Variants in PCDH15 observed in about 807,000 individuals in gnomAD.
PCDH15 encodes protocadherin-15.
Under a neutral mutation model 178.5 loss-of-function variants are expected in PCDH15, and 129 were observed. The ratio of observed to expected loss-of-function variants is 0.72; its 90% CI spans 0.63 to 0.84. The LOEUF is 0.84. Ranked by LOEUF, PCDH15 falls within the 40% of genes least tolerant of loss-of-function variation. The probability of loss-of-function intolerance (pLI) is 0.00; values close to 1 mark genes in which losing one functional copy is unlikely to be tolerated. For missense variants in PCDH15, 2,230 were observed against 2,099.9 expected, an observed-to-expected ratio of 1.06 and a Z score of -1.21; for synonymous variants, 800 against 732.0, an observed-to-expected ratio of 1.09 and a Z score of -1.50.
chr10:55,030,678 C>T (rs902210956), intron 2 of PCDH15, among the ~76,000 whole-genome samples: 1 of 151,958 alleles, frequency 6.6e-6, no homozygotes, highest in South Asian at 2.1e-4. Flanking sequence ...TTTATTTAAA[C>T]TAATAAATAT....
At chr10:54,925,848 G>C in intron 2 of PCDH15, among the ~76,000 whole-genome samples, 1 of 152,128 alleles carries the variant, frequency 6.6e-6, no homozygotes, top group Non-Finnish European at 1.5e-5. Flanking sequence ...TTTGAGCTGA[G>C]ACTATGCTAT....
At chr10:54,103,523 G>T (rs1422354149) in intron 15 of PCDH15, among the ~76,000 whole-genome samples, 1 of 152,132 alleles carries the variant, frequency 6.6e-6, no homozygotes, top group Non-Finnish European at 1.5e-5. Flanking sequence ...TGCAGGTGCT[G>T]CCCTCATAAA....
At chr10:54,994,765 G>C (rs944866650) in intron 2 of PCDH15, among the ~76,000 whole-genome samples, 5 of 151,964 alleles carry the variant, frequency 3.3e-5, no homozygotes, top group Admixed American at 6.6e-5. Flanking sequence ...TTAATATTTT[G>C]TTAGAAGAAA....
rs1332993779 is a variant in PCDH15 at position 53,822,409 on chromosome 10, G to A, written c.4368-2179C>T. 1 of 1,577,134 alleles carries A rather than the reference G, an allele frequency of 6.3e-7. No homozygotes were observed. The highest frequency in any genetic ancestry group is 8.6e-7 in the Non-Finnish European group (1 of 1,161,326). ...GGAGGAGGACAAAAAAGAGAAAAAG[G>A]AGAAATGTCAGGAGGAGGAGCAAGA... On this transcript the variant is annotated intron_variant, in intron 32 of 37. Transcript: ENST00000644397.
At chr10:54,343,836 T>TA (rs964649189) in intron 6 of PCDH15, among the ~76,000 whole-genome samples, 66 of 149,668 alleles carry the variant, frequency 4.4e-4, no homozygotes, top group East Asian at 3.5e-3. Context: ...AGTTGAAACA[T>TA]AAAAAAAAAG....
intron 18 of PCDH15, among the ~76,000 whole-genome samples, chr10:54,056,051 C>T (rs2093879238): frequency 6.6e-6 from 1 of 152,120 alleles, no homozygotes; most frequent in South Asian, 2.1e-4. Context: ...CTTCAATTCT[C>T]TTTTAGGAAT....
intron 1 of PCDH15, among the ~76,000 whole-genome samples, chr10:55,319,253 G>A (rs1399699016): frequency 6.6e-6 from 1 of 152,078 alleles, no homozygotes; most frequent in Non-Finnish European, 1.5e-5. Flanking sequence ...CAGACTTCAA[G>A]AGAATTTGGG....
chr10:55,445,899 G>A (rs942231253), intron 2 of PCDH15, among the ~76,000 whole-genome samples: 1 of 152,050 alleles, frequency 6.6e-6, no homozygotes, highest in Non-Finnish European at 1.5e-5. Context: ...TGGAAAAACT[G>A]AATCAGAGAA....
At chr10:54,678,298 A>T (rs2135595612) in intron 1 of PCDH15, among the ~76,000 whole-genome samples, 1 of 152,284 alleles carries the variant, frequency 6.6e-6, no homozygotes, top group South Asian at 2.1e-4. Context: ...TTTATGCTTT[A>T]AATTTTGTAA....
chr10:54,573,055 AC>A (rs1275457242), intron 2 of PCDH15, among the ~76,000 whole-genome samples: 1 of 152,080 alleles, frequency 6.6e-6, no homozygotes, highest in Non-Finnish European at 1.5e-5. Context: ...TTATTTCTTT[AC>A]TTTTTCCTCA....
At chr10:54,551,890 G>A (rs2086658260) in intron 2 of PCDH15, among the ~76,000 whole-genome samples, 1 of 151,894 alleles carries the variant, frequency 6.6e-6, no homozygotes, top group Non-Finnish European at 1.5e-5. Context: ...AAACTCATGT[G>A]TTTTCATATT....
intron 2 of PCDH15, among the ~76,000 whole-genome samples, chr10:55,132,482 T>G (rs975199546): frequency 1.3e-5 from 2 of 152,180 alleles, no homozygotes; most frequent in African/African-American, 4.8e-5. Flanking sequence ...TCCCACTGAT[T>G]AATGTGAGAT....
chr10:54,089,503 T>C (rs1325361582), intron 16 of PCDH15, among the ~76,000 whole-genome samples: 2 of 152,200 alleles, frequency 1.3e-5, no homozygotes, highest in Non-Finnish European at 2.9e-5. Flanking sequence ...GAGAGATAAG[T>C]AGAATGACAC....
intron 2 of PCDH15, among the ~76,000 whole-genome samples, chr10:55,456,499 T>C (rs1442724164): frequency 6.6e-6 from 1 of 152,094 alleles, no homozygotes; most frequent in Non-Finnish European, 1.5e-5. Flanking sequence ...CTCTTGTTTA[T>C]CCTGTGTTTG....
At chr10:54,356,686 A>C (rs1028838038) in intron 5 of PCDH15, among the ~76,000 whole-genome samples, 2 of 150,882 alleles carry the variant, frequency 1.3e-5, no homozygotes, top group African/African-American at 4.9e-5. Flanking sequence ...GGTCATCAAA[A>C]ACAAAAAAAA....
At chr10:55,402,793 G>T (rs1419839863) in intron 2 of PCDH15, among the ~76,000 whole-genome samples, 2 of 151,916 alleles carry the variant, frequency 1.3e-5, no homozygotes, top group Non-Finnish European at 2.9e-5. Context: ...TGGGGGTGCA[G>T]GTGTCCCTTT....
chr10:54,079,058 T>C (rs1370258103), intron 17 of PCDH15, among the ~76,000 whole-genome samples: 2 of 152,188 alleles, frequency 1.3e-5, no homozygotes, highest in Non-Finnish European at 2.9e-5. Context: ...GAATACCTGT[T>C]AGAATAAAGT....
Position 53,995,675 on chromosome 10 carries a change from C to A in PCDH15, c.2842G>T (p.Val948Phe), listed in dbSNP as rs748516431. 101 of 1,613,830 alleles carry A rather than the reference C, an allele frequency of 6.3e-5. No homozygotes were observed. Among genetic ancestry groups the A allele is most frequent in the Non-Finnish European group, 8.6e-5 (101 of 1,179,848 alleles). Reference sequence around the variant, plus strand: ...GGAGGGTCTGCATCTTCAGCATAAACTGTTGTGATAGGTGTACCCTTGACT... The same window carrying A: ...GGAGGGTCTGCATCTTCAGCATAAAATGTTGTGATAGGTGTACCCTTGACT... ...DAVKGTPITT[V>F]YAEDADPPGL... The change falls in exon 21 of 38, where the codon GTT (valine) becomes TTT (phenylalanine). Residue 948 changes from valine (V) to phenylalanine (F), a missense_variant. By Grantham distance (50) the Val-to-Phe change is conservative. Coordinates refer to ENST00000644397, the MANE Select transcript of PCDH15 (RefSeq NM_001384140.1).
At chr10:53,899,364 C>T (rs2082175272) in intron 26 of PCDH15, among the ~76,000 whole-genome samples, 1 of 152,040 alleles carries the variant, frequency 6.6e-6, no homozygotes, top group South Asian at 2.1e-4. Context: ...TAATTCACTT[C>T]AACAATGTTT....
Sources: gnomAD v4.1 joint callset for allele counts (sites outside exome capture counted in the v4.1 genomes callset) on GRCh38, gnomAD v4.1.1 for gene constraint, MANE v1.5 for transcripts, NCBI Gene and HGNC (gene_info 2026-07-23, HGNC 2026-07-21) for gene names.